The following ZIM3 variants were observed in gnomAD, a reference collection of about 807,000 sequenced individuals.
ZIM3 encodes zinc finger imprinted 3.
In ZIM3, 11 loss-of-function variants were observed where a neutral mutation model predicts 12.9. That is an observed-to-expected ratio of 0.85 (90% confidence interval 0.54 to 1.41). ZIM3 has a LOEUF of 1.41. Ranked by LOEUF, ZIM3 falls within the 40% of genes most tolerant of loss-of-function variation. The pLI is 0.00. For missense variants in ZIM3, 604 were observed against 557.2 expected (o/e 1.08, Z -0.85); for synonymous variants, 205 against 198.5 (o/e 1.03, Z -0.28).
At chr19:57,137,644 C>T (rs1208069119) in intron 3 of ZIM3, among the ~76,000 whole-genome samples, 3 of 148,174 alleles carry the variant, frequency 2.0e-5, no homozygotes, top group Non-Finnish European at 4.5e-5. Context: ...ACCTGGGAGG[C>T]GGAGGTTGCA....
chr19:57,136,481 G>A (rs958591911), intron 4 of ZIM3, among the ~76,000 whole-genome samples: 2 of 151,844 alleles, frequency 1.3e-5, no homozygotes, highest in Admixed American at 6.6e-5. Flanking sequence ...TGACCAACAT[G>A]GCGAAACCCT....
intron 4 of ZIM3, among the ~76,000 whole-genome samples, 163 bp from the exon 5 acceptor site, chr19:57,136,258 A>T (rs1478068776): frequency 1.3e-5 from 2 of 152,216 alleles, no homozygotes; most frequent in African/African-American, 4.8e-5. Context: ...ATGTGAGCTA[A>T]TGTTACATGA....
intron 3 of ZIM3, 27 bp downstream of exon 3, chr19:57,138,445 T>A (rs747561189): frequency 1.1e-5 from 18 of 1,613,692 alleles, no homozygotes; most frequent in Non-Finnish European, 1.4e-5. Flanking sequence ...AGGTTTTGAG[T>A]CCCCCTGCCC....
rs781158560 is a variant in ZIM3 at position 57,138,446 on chromosome 19, C to A, written c.142+26G>T. 8.7e-6 allele frequency: 14 copies of A among 1,613,786 alleles called. No homozygotes were observed. The South Asian group carries it at 1.4e-4, about 16-fold the overall frequency. ...GTGTTTCACGCCTTAGGTTTTGAGT[C>A]CCCCTGCCCGGGAAGCCGTCCTTAC... On this transcript the variant is annotated intron_variant, in intron 3 of 4. Coordinates refer to ENST00000269834, the MANE Select transcript of ZIM3 (RefSeq NM_052882.1).
chr19:57,139,589 C>T (rs774178861), intron 2 of ZIM3, among the ~76,000 whole-genome samples: 3 of 148,274 alleles, frequency 2.0e-5, no homozygotes, highest in Admixed American at 1.3e-4. Context: ...AGCCAGGTGT[C>T]GTGGTGCGCG....
rs534310009 is a variant in ZIM3 at position 57,139,201 on chromosome 19, G to A, written c.16-603C>T. 2.3e-3 allele frequency among the ~76,000 whole-genome samples: 350 copies of A among 151,668 alleles called. 2 individuals are homozygous for A. Among genetic ancestry groups the A allele is most frequent in the African/African-American group, 8.2e-3 (338 of 41,360 alleles). On this transcript the variant is annotated intron_variant, in intron 2 of 4. Coordinates refer to ENST00000269834, the MANE Select transcript of ZIM3 (RefSeq NM_052882.1). ...AAATTAGCCAGGCATGGTGGCAGGC[G>A]CCTGTAATCCCAGCTACTCAGGAGG... is the stretch of plus-strand genomic sequence containing the variant.
chr19:57,141,129 T>C (rs2086911561), intron 2 of ZIM3, among the ~76,000 whole-genome samples: 1 of 151,968 alleles, frequency 6.6e-6, no homozygotes, highest in Non-Finnish European at 1.5e-5. Context: ...GCGTGGTGGC[T>C]CACCCTTGTA....
In ZIM3 at chr19:57,143,317, C is replaced by A. The variant is rs1298575118; in HGVS notation, c.-42-632G>T. On this transcript the variant is annotated intron_variant, in intron 1 of 4. Coordinates refer to ENST00000269834, the MANE Select transcript of ZIM3 (RefSeq NM_052882.1). Reference sequence around the variant, plus strand: ...CCGCACTCCAGCCTGGGCGACAGAGCGAGACTCCGTCCCAAAAAAAAAAAA... The same window carrying A: ...CCGCACTCCAGCCTGGGCGACAGAGAGAGACTCCGTCCCAAAAAAAAAAAA... Among the ~76,000 whole-genome samples the A allele has an allele frequency of 4.8e-5, 7 of 145,240 alleles. No homozygotes were observed. The East Asian group carries it at 1.3e-3, about 26-fold the overall frequency.
chr19:57,141,851 C>A (rs1187959562), intron 2 of ZIM3, among the ~76,000 whole-genome samples: 2 of 146,762 alleles, frequency 1.4e-5, no homozygotes, highest in Non-Finnish European at 3.0e-5. Flanking sequence ...GAGACTCCCT[C>A]AAAAAAAAAA....
At position 57,138,543 on chromosome 19, in the gene ZIM3, C is replaced by T. The variant is rs142799493; in HGVS notation, c.71G>A (p.Arg24Gln). The T allele has an allele frequency of 9.9e-6, 16 of 1,614,114 alleles. No individual in the cohort carries two copies. The highest frequency in any genetic ancestry group is 1.6e-4 in the Middle Eastern group (1 of 6,062). Residue 24 changes from arginine to glutamine, a missense_variant, in exon 3 of 5, where the codon CGG (arginine) becomes CAG (glutamine). Physicochemically the swap from Arg to Gln is conservative, Grantham distance 43. Transcript: ENST00000269834. ...CAAGTTTCTCTGTTCGGGATTCAGCCGCTGCCACTCCCCCTGGGTGAAGTT... is the reference window on the plus strand; with the variant it reads ...CAAGTTTCTCTGTTCGGGATTCAGCTGCTGCCACTCCCCCTGGGTGAAGTT... ...TVNFTQGEWQRLNPEQRNLYR... is the reference protein window; with the variant it reads ...TVNFTQGEWQQLNPEQRNLYR...
chr19:57,135,245 C>G lies in ZIM3; in HGVS notation c.1092G>C (p.Glu364Asp). The G allele has an allele frequency of 1.2e-6, 2 of 1,614,044 alleles. No homozygotes were observed. The highest frequency in any genetic ancestry group is 1.7e-6 in the Non-Finnish European group (2 of 1,180,002). Residue 364 changes from glutamate to aspartate, a missense_variant, in exon 5 of 5, where the codon GAG becomes GAC. Transcript: ENST00000269834. ...TAAAGGTATTTCCACATAGATCACA[C>G]TCATAAGCTCTCTTCCCAGTGTGAA... ...EKIHTGKRAY[E>D]CDLCGNTFIQ...
rs200964853 is a variant in ZIM3, at chr19:57,138,622, G to A, written c.16-24C>T. On this transcript the variant is annotated intron_variant, in intron 2 of 4. Coordinates refer to ENST00000269834, the MANE Select transcript of ZIM3 (RefSeq NM_052882.1). ...CCCTGTAACAACAGATTCCCGATCAGTATAAAAATGCCATTGAATCCTGCG... is the reference window on the plus strand; with the variant it reads ...CCCTGTAACAACAGATTCCCGATCAATATAAAAATGCCATTGAATCCTGCG... 211 of 1,609,048 alleles carry A rather than the reference G, an allele frequency of 1.3e-4. 1 individual carries two copies. The highest frequency in any genetic ancestry group is 1.7e-4 in the Middle Eastern group (1 of 6,052).
chr19:57,142,617 T>A lies in ZIM3; in HGVS notation c.15+12A>T. The A allele has an allele frequency of 1.9e-6, 3 of 1,613,720 alleles. No homozygotes were observed. The highest frequency in any genetic ancestry group is 2.5e-6 in the Non-Finnish European group (3 of 1,179,718). ...ATTCATTATGAGATTTAGATTTTTT[T>A]GAAAAGCTCACCTGGGAATTGTTCA... On this transcript the variant is annotated intron_variant, in intron 2 of 4. Coordinates refer to ENST00000269834, the MANE Select transcript of ZIM3 (RefSeq NM_052882.1).
intron 2 of ZIM3, among the ~76,000 whole-genome samples, chr19:57,142,142 C>CGTT (rs761910786): frequency 8.9e-6 from 1 of 112,466 alleles, no homozygotes; most frequent in African/African-American, 3.3e-5. Flanking sequence ...CGTAACCAAG[C>CGTT]TTTTTTTTTT....
At chr19:57,140,113 GATAAATTT>G (rs778406035) in intron 2 of ZIM3, among the ~76,000 whole-genome samples, 6 of 152,224 alleles carry the variant, frequency 3.9e-5, no homozygotes, top group Non-Finnish European at 8.8e-5. Context: ...CTCTTGGACA[GATAAATTT>G]TTTAGTTGTG....
Position 57,136,061 on chromosome 19 carries a change from C to T in ZIM3, c.276G>A (p.Lys92=). The T allele has an allele frequency of 1.2e-6, 2 of 1,612,826 alleles. No individual in the cohort carries two copies. Among genetic ancestry groups the T allele is most frequent in the South Asian group, 1.1e-5 (1 of 90,908 alleles). Residue 92 remains lysine (K), a synonymous_variant, in exon 5 of 5, where the codon AAG becomes AAA. Coordinates refer to ENST00000269834, the MANE Select transcript of ZIM3 (RefSeq NM_052882.1). ...CGAGACTCTCTTTCACATCCTTTGG[C>T]TTCCAAATCTGCCCTCCAATGTCCC... The part of the protein sequence containing the change: ...KNGDIGGQIW[K]PKDVKESLAR...
rs1450015129 is a variant in ZIM3 at position 57,134,608 on chromosome 19, A to C, written c.*310T>G. 1 of 250,824 alleles carries C rather than the reference A, an allele frequency of 4.0e-6. No individual in the cohort carries two copies. Among genetic ancestry groups the C allele is most frequent in the African/African-American group, 2.2e-5 (1 of 44,454 alleles). The allele number at this position is 250,824 out of a possible 1,614,324, so 15.5% of individuals were successfully genotyped here. A position where few individuals can be genotyped will look rare whatever the true frequency, so the allele number is the denominator to read the frequency against. On this transcript the variant is annotated 3_prime_UTR_variant, in exon 5 of 5. Coordinates refer to ENST00000269834, the MANE Select transcript of ZIM3 (RefSeq NM_052882.1). ...AAAGTATAGTCTTTTAAACGTTTTT[A>C]AAGATATGGATACCACTGGTCATTA...
rs770344071 is a variant in ZIM3, at chr19:57,142,610, AT to A, written c.15+18del. 15 of 1,613,244 alleles carry A rather than the reference AT, an allele frequency of 9.3e-6. No individual in the cohort carries two copies. The highest frequency in any genetic ancestry group is 1.3e-5 in the Non-Finnish European group (15 of 1,179,486). On this transcript the variant is annotated intron_variant, in intron 2 of 4. Coordinates refer to ENST00000269834, the MANE Select transcript of ZIM3 (RefSeq NM_052882.1). The stretch of plus-strand genomic sequence containing the variant: ...TACGTTTATTCATTATGAGATTTAG[AT>A]TTTTTTGAAAAGCTCACCTGGGAAT...
At chr19:57,140,858 A>G (rs1261813479) in intron 2 of ZIM3, among the ~76,000 whole-genome samples, 1 of 152,204 alleles carries the variant, frequency 6.6e-6, no homozygotes, top group Non-Finnish European at 1.5e-5. Flanking sequence ...CTAACTGCAT[A>G]CAACTTATCC....
Sources: allele counts gnomAD v4.1 joint callset (sites outside exome capture counted in the v4.1 genomes callset), GRCh38; gene constraint gnomAD v4.1.1; transcripts MANE v1.5; gene names NCBI Gene and HGNC (gene_info 2026-07-23, HGNC 2026-07-21).